VWA3A: variants seen among roughly 807,000 people sequenced by gnomAD.
VWA3A encodes von Willebrand factor A domain containing 3A, also known as von Willebrand factor A domain-containing protein 3A.
VWA3A carries 134 observed loss-of-function variants against 160.4 expected under a neutral mutation model. The ratio of observed to expected loss-of-function variants is 0.84; its 90% CI spans 0.73 to 0.96. VWA3A has a LOEUF of 0.96. VWA3A is among the 40% of genes least tolerant of loss of function. The probability of loss-of-function intolerance (pLI) is 0.00; values close to 1 mark genes in which losing one functional copy is unlikely to be tolerated. For synonymous variants in VWA3A, 476 were observed against 543.4 expected (o/e 0.88, Z 1.72); for missense variants, 1,310 against 1,447.9 (o/e 0.90, Z 1.55).
At chr16:22,115,059 G>A (rs776520043) in intron 8 of VWA3A, among the ~76,000 whole-genome samples, 3 of 151,760 alleles carry the variant, frequency 2.0e-5, no homozygotes, top group East Asian at 1.9e-4. Flanking sequence ...CACCCACCTC[G>A]GCCCCCAAAA....
intron 5 of VWA3A, among the ~76,000 whole-genome samples, chr16:22,100,841 CAAAA>C (rs767100971): frequency 1.1e-5 from 1 of 87,840 alleles, no homozygotes. Context: ...AACTCTGTCT[CAAAA>C]AAAAAAAAAA....
Position 22,146,252 on chromosome 16 carries a change from T to G in VWA3A, c.2747T>G (p.Ile916Ser). Residue 916 changes from isoleucine to serine, a missense_variant, in exon 27 of 34, where the codon ATC (isoleucine) becomes AGC (serine). By Grantham distance (142) the Ile-to-Ser change is moderately radical. Coordinates refer to ENST00000389398, the MANE Select transcript of VWA3A (RefSeq NM_173615.5). ...SVEIHGVVRH[I>S]QWTPREMEVY... Reference sequence around the variant, plus strand: ...TTAACCCAGGGAGTGGTGAGACACATCCAGTGGACGCCCAGGGAGATGGAG... The same window carrying G: ...TTAACCCAGGGAGTGGTGAGACACAGCCAGTGGACGCCCAGGGAGATGGAG... 6.2e-7 allele frequency: 1 copy of G among 1,613,450 alleles called. No homozygotes were observed. The highest frequency in any genetic ancestry group is 8.5e-7 in the Non-Finnish European group (1 of 1,179,640).
rs765917274 is a variant in VWA3A at position 22,100,314 on chromosome 16, G to C, written c.346G>C (p.Val116Leu). Residue 116 changes from valine (V) to leucine (L), a missense_variant, in exon 4 of 34, where the codon GTG becomes CTG. Coordinates refer to ENST00000389398, the MANE Select transcript of VWA3A (RefSeq NM_173615.5). ...TGACCTGATAAGCCAGGGCACAGAA[G>C]TGCTGTAAGTCTGAAGCTGTTCCCC... ...LADLISQGTE[V>L]LEEGTNVVQK... 1 of 1,551,646 alleles carries C rather than the reference G, an allele frequency of 6.4e-7. No individual in the cohort carries two copies. Among genetic ancestry groups the C allele is most frequent in the South Asian group, 1.2e-5 (1 of 84,062 alleles).
Position 22,115,384 on chromosome 16 carries a change from C to G in VWA3A, c.727C>G (p.Pro243Ala), listed in dbSNP as rs1376805298. ...ELKLWVKTLQ[P>A]DGGSNLLQAL... ...TAAGCTCTGGGTAAAGACGCTGCAG[C>G]CTGATGGAGGCAGCAACCTGCTACA... The change falls in exon 9 of 34, where the codon CCT becomes GCT. Residue 243 changes from proline to alanine, a missense_variant. Coordinates refer to ENST00000389398, the MANE Select transcript of VWA3A (RefSeq NM_173615.5). 1 of 1,601,656 alleles carries G rather than the reference C, an allele frequency of 6.2e-7. No individual in the cohort carries two copies. The highest frequency in any genetic ancestry group is 8.5e-7 in the Non-Finnish European group (1 of 1,173,984).
At chr16:22,142,462 C>G (rs548974408) in intron 24 of VWA3A, among the ~76,000 whole-genome samples, 1 of 152,082 alleles carries the variant, frequency 6.6e-6, no homozygotes, top group East Asian at 1.9e-4. Context: ...TAACAGCCAG[C>G]CCTTGCGGCA....
chr16:22,144,021 C>T (rs1598101920), intron 25 of VWA3A, among the ~76,000 whole-genome samples: 1 of 152,102 alleles, frequency 6.6e-6, no homozygotes, highest in East Asian at 1.9e-4. Context: ...GCTAGGATTA[C>T]AGGCATGAGC....
At chr16:22,140,300 C>A in intron 23 of VWA3A, 56 bp downstream of exon 23, 1 of 1,546,110 alleles carries the variant, frequency 6.5e-7, no homozygotes, top group Non-Finnish European at 8.9e-7. Context: ...ACGGCTGAGG[C>A]ATGGGTTAAT....
At chr16:22,098,423 A>G (rs2045358592) in intron 3 of VWA3A, among the ~76,000 whole-genome samples, 1 of 152,204 alleles carries the variant, frequency 6.6e-6, no homozygotes, top group South Asian at 2.1e-4. Context: ...TGAGATTCTG[A>G]AGAAGTCTTG....
At chr16:22,155,764 C>T (rs1453794446) in intron 32 of VWA3A, 87 bp from the exon 33 acceptor site, 6 of 1,596,388 alleles carry the variant, frequency 3.8e-6, no homozygotes, top group Non-Finnish European at 5.2e-6. Context: ...GGTACCCTTG[C>T]TCCAAGGGTT....
At chr16:22,122,037 G>C (rs2045744301) in intron 14 of VWA3A, among the ~76,000 whole-genome samples, 1 of 152,114 alleles carries the variant, frequency 6.6e-6, no homozygotes, top group African/African-American at 2.4e-5. Context: ...TCCATGTTTA[G>C]TATAAGTAGG....
chr16:22,129,396 A>T, intron 17 of VWA3A, among the ~76,000 whole-genome samples: 1 of 128,520 alleles, frequency 7.8e-6, no homozygotes, highest in East Asian at 3.2e-4. Flanking sequence ...CTCAAAAAAA[A>T]AAAAAAAAAG....
chr16:22,136,964 T>G (rs1310228658), intron 21 of VWA3A, among the ~76,000 whole-genome samples: 1 of 151,802 alleles, frequency 6.6e-6, no homozygotes, highest in Non-Finnish European at 1.5e-5. Context: ...ATCCCAGCTA[T>G]TTGGGAGGCT....
At chr16:22,098,793 C>T (rs1054023141) in intron 3 of VWA3A, among the ~76,000 whole-genome samples, 3 of 151,598 alleles carry the variant, frequency 2.0e-5, no homozygotes, top group African/African-American at 7.3e-5. Context: ...CCACCATGCT[C>T]ACCAGGCACG....
At chr16:22,133,233 G>A in intron 20 of VWA3A, 138 bp downstream of exon 20, 5 of 997,396 alleles carry the variant, frequency 5.0e-6, no homozygotes, top group Non-Finnish European at 7.3e-6. Context: ...CTGTTCCTCT[G>A]AAGATAGATA....
In VWA3A at chr16:22,150,063, C is replaced by G. The variant is rs1054287863; in HGVS notation, c.3129+132C>G. The G allele has an allele frequency of 2.0e-5, 25 of 1,280,564 alleles. No homozygotes were observed. The Admixed American group carries it at 6.1e-4, about 31-fold the overall frequency. 79.3% of individuals were successfully genotyped at this position (1,280,564 alleles called of 1,614,324 possible). A position where few individuals can be genotyped will look rare whatever the true frequency, so the allele number is the denominator to read the frequency against. On this transcript the variant is annotated intron_variant, in intron 29 of 33. Transcript: ENST00000389398. ...CAAAGCACTACATCATTTCATCTTC[C>G]CAACACCCGAGTGAGAAAAGGATTC...
intron 22 of VWA3A, 44 bp from the exon 23 acceptor site, chr16:22,140,108 GAC>G (rs939003075): frequency 3.8e-6 from 6 of 1,579,036 alleles, no homozygotes; most frequent in Non-Finnish European, 5.2e-6. Context: ...GATCCTGCGT[GAC>G]ACAGGGAACA....
At chr16:22,125,063 G>A (rs1339875793) in intron 16 of VWA3A, among the ~76,000 whole-genome samples, 1 of 152,034 alleles carries the variant, frequency 6.6e-6, no homozygotes, top group East Asian at 1.9e-4. Flanking sequence ...TTGCTCACCT[G>A]GTTTTCGTTT....
intron 17 of VWA3A, among the ~76,000 whole-genome samples, chr16:22,128,844 C>T (rs1049372523): frequency 6.6e-6 from 1 of 152,162 alleles, no homozygotes; most frequent in Non-Finnish European, 1.5e-5. Context: ...AAATCAAATA[C>T]AGCATGTTCT....
chr16:22,096,542 C>T (rs1222578614), intron 1 of VWA3A, among the ~76,000 whole-genome samples: 1 of 152,060 alleles, frequency 6.6e-6, no homozygotes, highest in African/African-American at 2.4e-5. Context: ...CCCTAGAGTT[C>T]GAGACCATCC....
Sources: allele counts gnomAD v4.1 joint callset (sites outside exome capture counted in the v4.1 genomes callset), GRCh38; gene constraint gnomAD v4.1.1; transcripts MANE v1.5; gene names NCBI Gene and HGNC (gene_info 2026-07-23, HGNC 2026-07-21).